The following ENPP6 variants were observed in gnomAD, a reference collection of about 807,000 sequenced individuals.
ENPP6 encodes the protein ectonucleotide pyrophosphatase/phosphodiesterase 6.
ENPP6 carries 32 observed loss-of-function variants against 42.0 expected under a neutral mutation model. That is an observed-to-expected ratio of 0.76 (90% confidence interval 0.58 to 1.02). The LOEUF (loss-of-function observed/expected upper bound fraction) is 1.02, where lower values mean the gene tolerates loss of function less well. Ranked by LOEUF, ENPP6 falls within the 50% of genes least tolerant of loss-of-function variation. The probability of loss-of-function intolerance (pLI) is 0.00; values close to 1 mark genes in which losing one functional copy is unlikely to be tolerated. For missense variants in ENPP6, 552 were observed against 566.8 expected (o/e 0.97, Z 0.27); for synonymous variants, 213 against 216.0 (o/e 0.99, Z 0.12).
intron 1 of ENPP6, among the ~76,000 whole-genome samples, chr4:184,171,316 T>C (rs1222238330): frequency 6.6e-6 from 1 of 152,212 alleles, no homozygotes; most frequent in African/African-American, 2.4e-5. Flanking sequence ...ATGGTGACCA[T>C]GCTCCAGGCA....
At chr4:184,186,495 A>G (rs1175771742) in intron 1 of ENPP6, among the ~76,000 whole-genome samples, 1 of 152,162 alleles carries the variant, frequency 6.6e-6, no homozygotes, top group African/African-American at 2.4e-5. Context: ...AGAAATAAGG[A>G]CCAGGCTCTG....
intron 1 of ENPP6, among the ~76,000 whole-genome samples, chr4:184,211,891 T>C (rs374958031): frequency 0.017 from 2,562 of 150,304 alleles, 66 homozygotes; most frequent in Admixed American, 0.058. Flanking sequence ...TTATCCACCA[T>C]GATCAAGTGG....
At chr4:184,103,901 A>G (rs1736046075) in intron 6 of ENPP6, among the ~76,000 whole-genome samples, 1 of 152,132 alleles carries the variant, frequency 6.6e-6, no homozygotes, top group Non-Finnish European at 1.5e-5. Context: ...GATCCTCGAA[A>G]TGGAAAATGC....
At chr4:184,208,994 A>G (rs1428429882) in intron 1 of ENPP6, among the ~76,000 whole-genome samples, 12 of 142,806 alleles carry the variant, frequency 8.4e-5, no homozygotes, top group East Asian at 4.0e-4. Context: ...CTCACACGGC[A>G]GGGTATTCCA....
intron 1 of ENPP6, among the ~76,000 whole-genome samples, chr4:184,172,412 C>T (rs1423866093): frequency 1.3e-5 from 2 of 152,156 alleles, no homozygotes; most frequent in African/African-American, 4.8e-5. Context: ...CCTCCATCAT[C>T]CCCCAGCACC....
intron 3 of ENPP6, among the ~76,000 whole-genome samples, chr4:184,121,772 T>C (rs991892022): frequency 2.6e-5 from 4 of 152,250 alleles, no homozygotes; most frequent in African/African-American, 9.6e-5. Flanking sequence ...GTCTAGACTG[T>C]TCTAGACTGG....
intron 2 of ENPP6, among the ~76,000 whole-genome samples, chr4:184,149,127 C>T (rs1328707516): frequency 7.9e-5 from 12 of 152,290 alleles, no homozygotes. Context: ...AGTGTTTTGA[C>T]ATCTGCCTGA....
intron 1 of ENPP6, among the ~76,000 whole-genome samples, chr4:184,214,486 C>G (rs1048955287): frequency 2.0e-5 from 3 of 152,156 alleles, no homozygotes; most frequent in Non-Finnish European, 2.9e-5. Flanking sequence ...AGGGAGTTTC[C>G]GCTATTTGCA....
intron 7 of ENPP6, among the ~76,000 whole-genome samples, chr4:184,094,648 A>T (rs1735866187): frequency 6.6e-6 from 1 of 152,212 alleles, no homozygotes; most frequent in African/African-American, 2.4e-5. Context: ...GCGTGTTTAC[A>T]TTTTTTTGGA....
chr4:184,118,021 C>G, intron 3 of ENPP6, 121 bp from the exon 4 acceptor site: 18 of 1,256,112 alleles, frequency 1.4e-5, no homozygotes, highest in South Asian at 3.1e-5. Context: ...CTGGGCCAGA[C>G]AAAGCCAATA....
rs771116979 is a variant in ENPP6, at chr4:184,217,820, G to GCTGCCAGGAGC, written c.-12_-2dup. ...GGAGGGTCCCAAGCTTCACTGCCATGCTGCCAGGAGCCTGCCAGAGCCCGG... is the reference window on the plus strand; with the variant it reads ...GGAGGGTCCCAAGCTTCACTGCCATGCTGCCAGGAGCCTGCCAGGAGCCTGCCAGAGCCCGG... On this transcript the variant is annotated 5_prime_UTR_variant, in exon 1 of 8. Coordinates refer to ENST00000296741, the MANE Select transcript of ENPP6 (RefSeq NM_153343.4). 3.7e-6 allele frequency: 6 copies of GCTGCCAGGAGC among 1,612,866 alleles called. No homozygotes were observed. In the South Asian group the frequency reaches 5.5e-5, roughly 15 times the overall value.
At chr4:184,195,131 G>T (rs1452392611) in intron 1 of ENPP6, among the ~76,000 whole-genome samples, 2 of 151,802 alleles carry the variant, frequency 1.3e-5, no homozygotes, top group Non-Finnish European at 2.9e-5. Context: ...TTGATTTTTT[G>T]TAACTTTTAT....
Position 184,217,814 on chromosome 4 carries a change from T to C in ENPP6, c.6A>G (p.Ala2=). The change falls in exon 1 of 8, where the codon GCA becomes GCG. Residue 2 remains alanine (A), a synonymous_variant. Coordinates refer to ENST00000296741, the MANE Select transcript of ENPP6 (RefSeq NM_153343.4). The part of the protein sequence containing the change: M[A]VKLGTLLLAL... ...CCAGCAGGAGGGTCCCAAGCTTCAC[T>C]GCCATGCTGCCAGGAGCCTGCCAGA... 1 of 1,613,190 alleles carries C rather than the reference T, an allele frequency of 6.2e-7. No homozygotes were observed. The highest frequency in any genetic ancestry group is 8.5e-7 in the Non-Finnish European group (1 of 1,179,812).
chr4:184,091,129 G>T lies in ENPP6; in HGVS notation c.*48C>A. ...AAATGAAAATCATCTGGCTTTGGAG[G>T]CCCACTTTGCTGATGGTGTTTTTTT... On this transcript the variant is annotated 3_prime_UTR_variant, in exon 8 of 8. Coordinates refer to ENST00000296741, the MANE Select transcript of ENPP6 (RefSeq NM_153343.4). 6.7e-7 allele frequency: 1 copy of T among 1,482,268 alleles called. No individual in the cohort carries two copies. Among genetic ancestry groups the T allele is most frequent in the Non-Finnish European group, 9.0e-7 (1 of 1,114,006 alleles). The allele number at this position is 1,482,268 out of a possible 1,614,324, so 91.8% of individuals were successfully genotyped here.
intron 1 of ENPP6, among the ~76,000 whole-genome samples, chr4:184,189,992 G>A (rs574812797): frequency 1.8e-4 from 27 of 152,252 alleles, no homozygotes; most frequent in African/African-American, 6.0e-4. Flanking sequence ...ATCTCATTTT[G>A]GCAGAAGCAT....
At chr4:184,164,185 TTC>T (rs1289641397) in intron 1 of ENPP6, among the ~76,000 whole-genome samples, 1 of 152,232 alleles carries the variant, frequency 6.6e-6, no homozygotes, top group East Asian at 1.9e-4. Flanking sequence ...GCCTCACTTT[TTC>T]TCTCTCTAAA....
At chr4:184,094,196 T>C (rs1735857493) in intron 7 of ENPP6, among the ~76,000 whole-genome samples, 1 of 152,124 alleles carries the variant, frequency 6.6e-6, no homozygotes, top group African/African-American at 2.4e-5. Flanking sequence ...GGAGGATCTC[T>C]TGAACCCAGG....
chr4:184,207,951 G>A (rs1367970065), intron 1 of ENPP6, among the ~76,000 whole-genome samples: 1 of 152,160 alleles, frequency 6.6e-6, no homozygotes, highest in Non-Finnish European at 1.5e-5. Context: ...GCGCATGCCT[G>A]TGTCTCTTCG....
intron 1 of ENPP6, among the ~76,000 whole-genome samples, chr4:184,208,620 A>T (rs1188279010): frequency 6.6e-6 from 1 of 150,592 alleles, no homozygotes; most frequent in African/African-American, 2.4e-5. Flanking sequence ...TTGCTAGCAC[A>T]GCGGTCTGAG....
Sources: allele counts gnomAD v4.1 joint callset (sites outside exome capture counted in the v4.1 genomes callset), GRCh38; gene constraint gnomAD v4.1.1; transcripts MANE v1.5; gene names NCBI Gene and HGNC (gene_info 2026-07-23, HGNC 2026-07-21).